Variants in FBXL20 observed in about 807,000 individuals in gnomAD.
The protein encoded by FBXL20 is F-box/LRR-repeat protein 20.
Under a neutral mutation model 64.0 loss-of-function variants are expected in FBXL20, and 11 were observed. That is an observed-to-expected ratio of 0.17 (90% confidence interval 0.11 to 0.28). The LOEUF is 0.28. FBXL20 is among the 10% of genes least tolerant of loss of function. The probability of loss-of-function intolerance (pLI) is 1.00; values close to 1 mark genes in which losing one functional copy is unlikely to be tolerated. For synonymous variants in FBXL20, 184 were observed against 189.0 expected (o/e 0.97, Z 0.22); for missense variants, 303 against 526.2 (o/e 0.58, Z 4.15).
intron 1 of FBXL20, among the ~76,000 whole-genome samples, chr17:39,387,277 CT>C (rs34511500): frequency 0.06 from 7,542 of 125,950 alleles, 155 homozygotes; most frequent in Middle Eastern, 0.11. Flanking sequence ...ATTAACTGCA[CT>C]TTTTTTTTTT....
At chr17:39,396,528 G>A (rs12600625) in intron 1 of FBXL20, among the ~76,000 whole-genome samples, 47,364 of 150,122 alleles carry the variant, frequency 0.32, 8,350 homozygotes, top group African/African-American at 0.47. Context: ...CCCAGGAGGC[G>A]GAGGTTGCAG....
chr17:39,303,139 T>C (rs2047152717), intron 3 of FBXL20, among the ~76,000 whole-genome samples: 3 of 152,116 alleles, frequency 2.0e-5, no homozygotes, highest in Non-Finnish European at 4.4e-5. Flanking sequence ...TGTGACTTCA[T>C]GTAAAGTTTC....
chr17:39,267,643 A>C (rs796465393), intron 12 of FBXL20, among the ~76,000 whole-genome samples: 44 of 152,338 alleles, frequency 2.9e-4, no homozygotes, highest in East Asian at 9.6e-4. Flanking sequence ...TTCAGGTAGG[A>C]AGAACAGTTT....
chr17:39,289,935 G>A (rs1441026697), intron 6 of FBXL20, among the ~76,000 whole-genome samples: 1 of 139,332 alleles, frequency 7.2e-6, no homozygotes, highest in Non-Finnish European at 1.5e-5. Context: ...GGAGGCAGAG[G>A]TTGCAGTTAG....
At chr17:39,294,313 T>C (rs569391324) in intron 6 of FBXL20, among the ~76,000 whole-genome samples, 1 of 152,040 alleles carries the variant, frequency 6.6e-6, no homozygotes, top group South Asian at 2.1e-4. Context: ...TCTTGCTTTG[T>C]TGCCCAGGCT....
At chr17:39,322,643 T>C (rs74352528) in intron 2 of FBXL20, among the ~76,000 whole-genome samples, 6,859 of 152,060 alleles carry the variant, frequency 0.045, 518 homozygotes, top group African/African-American at 0.16. Context: ...CTACTGGGGG[T>C]TGTGAGAATT....
chr17:39,379,227 A>G, intron 1 of FBXL20, among the ~76,000 whole-genome samples: 1 of 151,114 alleles, frequency 6.6e-6, no homozygotes, highest in East Asian at 1.9e-4. Flanking sequence ...AAATAAATAA[A>G]TAAAATAAAA....
chr17:39,344,131 G>A (rs1180861436), intron 1 of FBXL20, among the ~76,000 whole-genome samples: 1 of 152,070 alleles, frequency 6.6e-6, no homozygotes, highest in Admixed American at 6.6e-5. Context: ...CAAAGTGCTG[G>A]GATTGCAGGC....
chr17:39,308,411 C>T (rs983836789), intron 2 of FBXL20, among the ~76,000 whole-genome samples: 1 of 151,892 alleles, frequency 6.6e-6, no homozygotes, highest in African/African-American at 2.4e-5. Context: ...AAGAGGATCA[C>T]TTGAGCTCAG....
chr17:39,313,412 T>C (rs1418930611), intron 2 of FBXL20, among the ~76,000 whole-genome samples: 1 of 151,440 alleles, frequency 6.6e-6, no homozygotes, highest in Non-Finnish European at 1.5e-5. Flanking sequence ...TTTGTATTTT[T>C]AGTAGAGACA....
At chr17:39,378,595 AC>A (rs1473824004) in intron 1 of FBXL20, among the ~76,000 whole-genome samples, 1 of 151,624 alleles carries the variant, frequency 6.6e-6, no homozygotes, top group Non-Finnish European at 1.5e-5. Flanking sequence ...TGACACCCAC[AC>A]CCACTAGAAT....
At chr17:39,369,649 C>CT (rs561937751) in intron 1 of FBXL20, among the ~76,000 whole-genome samples, 527 of 152,086 alleles carry the variant, frequency 3.5e-3, no homozygotes, top group African/African-American at 0.012. Flanking sequence ...CCGTGCCCAG[C>CT]TATGTGTTTA....
At chr17:39,361,079 C>T (rs1355269951) in intron 1 of FBXL20, among the ~76,000 whole-genome samples, 2 of 152,038 alleles carry the variant, frequency 1.3e-5, no homozygotes, top group African/African-American at 2.4e-5. Flanking sequence ...TATTGCATTG[C>T]ATTTCTGAGT....
At chr17:39,357,989 C>T (rs1254446041) in intron 1 of FBXL20, among the ~76,000 whole-genome samples, 6 of 152,062 alleles carry the variant, frequency 3.9e-5, no homozygotes, top group African/African-American at 4.8e-5. Context: ...TATATATAAA[C>T]TCTTCTCATA....
chr17:39,313,952 A>C (rs2047261011), intron 2 of FBXL20, among the ~76,000 whole-genome samples: 1 of 152,156 alleles, frequency 6.6e-6, no homozygotes, highest in African/African-American at 2.4e-5. Context: ...TATCTTTTAA[A>C]ATACACACTT....
intron 1 of FBXL20, among the ~76,000 whole-genome samples, chr17:39,380,308 G>A (rs996311962): frequency 8.5e-5 from 13 of 152,186 alleles, no homozygotes; most frequent in Non-Finnish European, 1.5e-4. Flanking sequence ...TATCTGCCCT[G>A]CTCTCTAACC....
At chr17:39,282,520 C>T (rs1330743009) in intron 8 of FBXL20, among the ~76,000 whole-genome samples, 1 of 152,156 alleles carries the variant, frequency 6.6e-6, no homozygotes, top group Non-Finnish European at 1.5e-5. Flanking sequence ...TGTCTCCCTC[C>T]TCCTCAAGTT....
intron 1 of FBXL20, among the ~76,000 whole-genome samples, chr17:39,395,707 G>A (rs1232652045): frequency 1.3e-5 from 2 of 152,102 alleles, no homozygotes; most frequent in Non-Finnish European, 2.9e-5. Flanking sequence ...GCACCAATTT[G>A]GAAATATGGT....
At chr17:39,358,657 G>GGCCA (rs1293728427) in intron 1 of FBXL20, among the ~76,000 whole-genome samples, 1 of 151,890 alleles carries the variant, frequency 6.6e-6, no homozygotes, top group Non-Finnish European at 1.5e-5. Flanking sequence ...ACTCCAGCCT[G>GGCCA]GGCAACAGAG....
Sources: allele counts gnomAD v4.1 joint callset (sites outside exome capture counted in the v4.1 genomes callset), GRCh38; gene constraint gnomAD v4.1.1; transcripts MANE v1.5; gene names NCBI Gene and HGNC (gene_info 2026-07-23, HGNC 2026-07-21).